The following DCUN1D2 variants were observed in gnomAD, a reference collection of about 807,000 sequenced individuals.
The protein encoded by DCUN1D2 is defective in cullin neddylation 1 domain containing 2, also known as DCN1-like protein 2.
Under a neutral mutation model 30.9 loss-of-function variants are expected in DCUN1D2, and 29 were observed. The observed-to-expected ratio is 0.94, with a 90% confidence interval of 0.70 to 1.28. The LOEUF is 1.28. DCUN1D2 is among the 50% of genes most tolerant of loss of function. The pLI is 0.00. For synonymous variants in DCUN1D2, 121 were observed against 115.3 expected (o/e 1.05, Z -0.32); for missense variants, 325 against 316.9 (o/e 1.03, Z -0.19).
chr13:113,459,939 C>T (rs1443589483), intron 5 of DCUN1D2, among the ~76,000 whole-genome samples: 4 of 152,194 alleles, frequency 2.6e-5, no homozygotes, highest in African/African-American at 7.2e-5. Context: ...TGGATGGTCA[C>T]TGGCTTTTCC....
intron 3 of DCUN1D2, among the ~76,000 whole-genome samples, chr13:113,477,719 TA>T (rs201337598): frequency 6.6e-6 from 1 of 151,126 alleles, no homozygotes; most frequent in Non-Finnish European, 1.5e-5. Context: ...TTTTTTTTTT[TA>T]AATGAAGAAA....
intron 4 of DCUN1D2, among the ~76,000 whole-genome samples, chr13:113,465,857 G>A (rs915554368): frequency 2.8e-4 from 41 of 148,952 alleles, no homozygotes; most frequent in African/African-American, 1.0e-3. Context: ...GTATGTGTGT[G>A]TATATATATA....
chr13:113,484,141 G>C (rs1594125610), intron 1 of DCUN1D2, 85 bp from the exon 2 acceptor site: 1 of 1,574,818 alleles, frequency 6.3e-7, no homozygotes, highest in Non-Finnish European at 8.6e-7. Context: ...ACTTTAACTG[G>C]GCAGAATTAG....
chr13:113,487,999 T>C (rs2044838217), intron 1 of DCUN1D2, among the ~76,000 whole-genome samples: 1 of 152,172 alleles, frequency 6.6e-6, no homozygotes, highest in Non-Finnish European at 1.5e-5. Flanking sequence ...CTGGAAGATA[T>C]GATGGTGTCT....
At chr13:113,475,223 T>C (rs534780040) in intron 3 of DCUN1D2, among the ~76,000 whole-genome samples, 160 of 152,326 alleles carry the variant, frequency 1.1e-3, no homozygotes, top group African/African-American at 3.8e-3. Flanking sequence ...TATGTCACAG[T>C]GGTCCCATAA....
chr13:113,484,010 G>T lies in DCUN1D2; in HGVS notation c.50C>A (p.Ala17Glu). The change falls in exon 2 of 7, where the codon GCG becomes GAG. Residue 17 changes from alanine (A) to glutamate (E), a missense_variant. Coordinates refer to ENST00000478244, the MANE Select transcript of DCUN1D2 (RefSeq NM_001014283.2). ...SQKDKVRQFM[A>E]CTQAGERTAI... ...AGTTCTCTCGCCAGCCTGAGTGCAC[G>T]CCATAAACTGGCGGACCTTGTCCTT... 2 of 1,614,114 alleles carry T rather than the reference G, an allele frequency of 1.2e-6. No homozygotes were observed. The highest frequency in any genetic ancestry group is 1.7e-6 in the Non-Finnish European group (2 of 1,180,048).
In DCUN1D2 at chr13:113,480,690, C is replaced by A. The variant is rs1330713611; in HGVS notation, c.274G>T (p.Asp92Tyr). Residue 92 changes from aspartate (D) to tyrosine (Y), a missense_variant, in exon 3 of 7, where the codon GAT becomes TAT. By Grantham distance (160) the Asp-to-Tyr change is radical. Coordinates refer to ENST00000478244, the MANE Select transcript of DCUN1D2 (RefSeq NM_001014283.2). ...ATACTGGCAGGATCCAGGCTCAGATCATCACAAAACTGTTGAATCCCATCG... is the reference window on the plus strand; with the variant it reads ...ATACTGGCAGGATCCAGGCTCAGATAATCACAAAACTGTTGAATCCCATCG... The part of the protein sequence containing the change: ...GVDGIQQFCD[D>Y]LSLDPASISV... 1 of 1,614,104 alleles carries A rather than the reference C, an allele frequency of 6.2e-7. No individual in the cohort carries two copies. The highest frequency in any genetic ancestry group is 2.2e-5 in the East Asian group (1 of 44,878).
At chr13:113,486,473 A>G (rs2044806143) in intron 1 of DCUN1D2, among the ~76,000 whole-genome samples, 1 of 152,190 alleles carries the variant, frequency 6.6e-6, no homozygotes, top group Admixed American at 6.6e-5. Flanking sequence ...AAACCTGCAC[A>G]TGTACCCCTG....
intron 4 of DCUN1D2, among the ~76,000 whole-genome samples, chr13:113,462,407 A>C (rs7993231): frequency 0.46 from 69,308 of 152,086 alleles, 18,799 homozygotes; most frequent in African/African-American, 0.76. Context: ...GATTAATAAA[A>C]GTTAGGTAAT....
intron 4 of DCUN1D2, among the ~76,000 whole-genome samples, chr13:113,472,446 G>A (rs1422297505): frequency 1.3e-5 from 2 of 152,172 alleles, no homozygotes; most frequent in Non-Finnish European, 2.9e-5. Context: ...GTGACTGGAC[G>A]AGCCCAGGGC....
In DCUN1D2 at chr13:113,483,991, C is replaced by G. The variant is rs771211021; in HGVS notation, c.69G>C (p.Glu23Asp). 8.7e-6 allele frequency: 14 copies of G among 1,614,222 alleles called. No homozygotes were observed. The highest frequency in any genetic ancestry group is 4.5e-5 in the East Asian group (2 of 44,888). Residue 23 changes from glutamate (E) to aspartate (D), a missense_variant, in exon 2 of 7, where the codon GAG (glutamate) becomes GAC (aspartate). Glu to Asp is a conservative substitution (Grantham distance 45, BLOSUM62 2). Coordinates refer to ENST00000478244, the MANE Select transcript of DCUN1D2 (RefSeq NM_001014283.2). ...GCGTTAAGCAGTAGATAGCAGTTCT[C>G]TCGCCAGCCTGAGTGCACGCCATAA... ...RQFMACTQAG[E>D]RTAIYCLTQN...
Position 113,483,827 on chromosome 13 carries a change from A to C in DCUN1D2, c.220+13T>G. The C allele has an allele frequency of 6.2e-7, 1 of 1,609,466 alleles. No homozygotes were observed. The highest frequency in any genetic ancestry group is 8.5e-7 in the Non-Finnish European group (1 of 1,178,004). On this transcript the variant is annotated intron_variant, in intron 2 of 6. Transcript: ENST00000478244. Reference sequence around the variant, plus strand: ...GCCGACATCCGTCCGGCTTTGCTGCAGTCTCCTCTTACCTTTGTACCTGCC... The same window carrying C: ...GCCGACATCCGTCCGGCTTTGCTGCCGTCTCCTCTTACCTTTGTACCTGCC...
rs1191862481 is a variant in DCUN1D2, at chr13:113,480,721, A to G, written c.243T>C (p.Ile81=). ...RYKDPQDENK[I]GVDGIQQFCD... ...AAAACTGTTGAATCCCATCGACTCC[A>G]ATTTTGTTTTCATCTTGTGGATCTG... Residue 81 remains isoleucine (I), a synonymous_variant, in exon 3 of 7, where the codon ATT becomes ATC. Coordinates refer to ENST00000478244, the MANE Select transcript of DCUN1D2 (RefSeq NM_001014283.2). 1.9e-6 allele frequency: 3 copies of G among 1,614,050 alleles called. No homozygotes were observed. The Admixed American group carries it at 5.0e-5, about 27-fold the overall frequency.
intron 4 of DCUN1D2, among the ~76,000 whole-genome samples, chr13:113,465,197 G>GA (rs895058494): frequency 6.6e-6 from 1 of 151,964 alleles, no homozygotes; most frequent in Admixed American, 6.6e-5. Flanking sequence ...AAAATAGTCA[G>GA]AAAAAAAGTT....
Position 113,461,115 on chromosome 13 carries a change from T to C in DCUN1D2, c.542A>G (p.Tyr181Cys), listed in dbSNP as rs762125968. 6 of 1,609,698 alleles carry C rather than the reference T, an allele frequency of 3.7e-6. No individual in the cohort carries two copies. The highest frequency in any genetic ancestry group is 1.1e-5 in the South Asian group (1 of 90,622). The change falls in exon 5 of 7, where the codon TAT becomes TGT. Residue 181 changes from tyrosine (Y) to cysteine (C), a missense_variant. Physicochemically the swap from Tyr to Cys is radical, Grantham distance 194. Transcript: ENST00000478244. ...KGLDLEMAVA[Y>C]WKLVLSGRFK... ...CCTTCCAGATAACACTAATTTCCAATACGCAACAGCCATTTCTAAGTCTGG... is the reference window on the plus strand; with the variant it reads ...CCTTCCAGATAACACTAATTTCCAACACGCAACAGCCATTTCTAAGTCTGG...
At chr13:113,482,247 TTAAC>T (rs1409363621) in intron 2 of DCUN1D2, among the ~76,000 whole-genome samples, 1 of 152,208 alleles carries the variant, frequency 6.6e-6, no homozygotes, top group Non-Finnish European at 1.5e-5. Flanking sequence ...CGTTTCTACT[TTAAC>T]TGAGTATAAT....
At chr13:113,482,595 G>T (rs2044729588) in intron 2 of DCUN1D2, among the ~76,000 whole-genome samples, 1 of 152,062 alleles carries the variant, frequency 6.6e-6, no homozygotes. Context: ...GACCTAAAAA[G>T]AAAGACTAAA....
At chr13:113,458,621 T>C (rs1224253375) in intron 6 of DCUN1D2, among the ~76,000 whole-genome samples, 2 of 152,326 alleles carry the variant, frequency 1.3e-5, no homozygotes, top group South Asian at 2.1e-4. Context: ...CTTCTTTCAT[T>C]TGACAAGCAT....
chr13:113,476,317 C>T (rs774058723), intron 3 of DCUN1D2, among the ~76,000 whole-genome samples: 2 of 152,162 alleles, frequency 1.3e-5, no homozygotes, highest in Non-Finnish European at 2.9e-5. Flanking sequence ...TCCCCCTCCA[C>T]GCATTTGCAC....
Sources: allele counts gnomAD v4.1 joint callset (sites outside exome capture counted in the v4.1 genomes callset), GRCh38; gene constraint gnomAD v4.1.1; transcripts MANE v1.5; gene names NCBI Gene and HGNC (gene_info 2026-07-23, HGNC 2026-07-21).